The following DIAPH3 variants were observed in gnomAD, a reference collection of about 807,000 sequenced individuals.
The protein encoded by DIAPH3 is protein diaphanous homolog 3.
In DIAPH3, 117 loss-of-function variants were observed where a neutral mutation model predicts 144.3. The observed-to-expected ratio is 0.81, with a 90% CI of 0.70 to 0.95. The LOEUF is 0.95. Among genes scored for constraint, DIAPH3 ranks in the 40% least tolerant of loss-of-function variants. The pLI, the probability that DIAPH3 is intolerant of heterozygous loss-of-function variation, is 0.00. For synonymous variants in DIAPH3, 519 were observed against 488.9 expected (o/e 1.06, Z -0.81); for missense variants, 1,421 against 1,412.7 (o/e 1.01, Z -0.09).
chr13:59,868,762 T>C (rs1371471019), intron 21 of DIAPH3, among the ~76,000 whole-genome samples: 1 of 152,122 alleles, frequency 6.6e-6, no homozygotes, highest in Non-Finnish European at 1.5e-5. Context: ...ACCACTGATG[T>C]TTTATTGTCT....
chr13:59,695,896 G>T (rs1002723728), intron 27 of DIAPH3: 21 of 151,960 alleles, frequency 1.4e-4, no homozygotes, highest in African/African-American at 5.1e-4. Context: ...ATATAAAAGA[G>T]GTCTTTAAAA....
intron 14 of DIAPH3, among the ~76,000 whole-genome samples, chr13:59,976,692 C>A (rs1566599769): frequency 6.6e-6 from 1 of 151,678 alleles, no homozygotes; most frequent in Non-Finnish European, 1.5e-5. Context: ...TTCTATAGGA[C>A]TCTTTCCTCA....
chr13:60,003,803 A>G (rs1225699613), intron 9 of DIAPH3, among the ~76,000 whole-genome samples: 3 of 152,066 alleles, frequency 2.0e-5, no homozygotes, highest in Non-Finnish European at 4.4e-5. Context: ...GATGGTCTCA[A>G]TCTCCTGACC....
chr13:59,697,244 G>T (rs889368870), intron 27 of DIAPH3, among the ~76,000 whole-genome samples: 1 of 151,816 alleles, frequency 6.6e-6, no homozygotes, highest in African/African-American at 2.4e-5. Flanking sequence ...CGGATCACGA[G>T]ATCAGGAGAT....
At chr13:60,149,848 T>G (rs1429438487) in intron 1 of DIAPH3, among the ~76,000 whole-genome samples, 1 of 152,032 alleles carries the variant, frequency 6.6e-6, no homozygotes, top group Non-Finnish European at 1.5e-5. Flanking sequence ...TTTTGTTTCT[T>G]TACTTCTCTG....
intron 4 of DIAPH3, 110 bp from the exon 5 acceptor site, chr13:60,042,930 T>C: frequency 8.2e-7 from 1 of 1,226,542 alleles, no homozygotes; most frequent in Non-Finnish European, 1.2e-6. Context: ...TAATTAACAC[T>C]ATTTGGGCAA....
chr13:60,158,288 A>G (rs1324769711), intron 1 of DIAPH3, among the ~76,000 whole-genome samples: 1 of 152,226 alleles, frequency 6.6e-6, no homozygotes, highest in Non-Finnish European at 1.5e-5. Context: ...GAGCAAAGAC[A>G]TCTTTCTCAG....
chr13:60,103,583 A>G (rs1401067521), intron 3 of DIAPH3, among the ~76,000 whole-genome samples: 1 of 152,226 alleles, frequency 6.6e-6, no homozygotes, highest in African/African-American at 2.4e-5. Context: ...ATTGGAAAAT[A>G]AAAATTAGAA....
intron 17 of DIAPH3, among the ~76,000 whole-genome samples, chr13:59,954,102 C>T (rs2049249528): frequency 6.6e-6 from 1 of 152,124 alleles, no homozygotes; most frequent in Non-Finnish European, 1.5e-5. Context: ...CCTTTCCCTC[C>T]CTCCTGTTCT....
chr13:59,861,245 G>A (rs2043563700), intron 22 of DIAPH3, 162 bp downstream of exon 22: 2 of 1,518,738 alleles, frequency 1.3e-6, no homozygotes, highest in Non-Finnish European at 1.8e-6. Context: ...CTCCAATCAT[G>A]ACAACTCATA....
chr13:60,156,939 ATTT>A lies in DIAPH3; in HGVS notation c.180+6645_180+6647del, dbSNP rs757042309. On this transcript the variant is annotated intron_variant, in intron 1 of 27. Coordinates refer to ENST00000400324, the MANE Select transcript of DIAPH3 (RefSeq NM_001042517.2). ...CCTTCATATATATATATATATATAT[ATTT>A]TTTTTTTTTTTTTTTTTGAGACAGA... Among the ~76,000 whole-genome samples, 48 of 82,022 alleles carry A rather than the reference ATTT, an allele frequency of 5.9e-4. 2 individuals carry two copies. Among genetic ancestry groups the A allele is most frequent in the African/African-American group, 1.4e-3 (26 of 18,524 alleles). 53.8% of individuals were successfully genotyped at this position (82,022 alleles called of 152,430 possible).
intron 1 of DIAPH3, among the ~76,000 whole-genome samples, chr13:60,157,515 T>C (rs1952089159): frequency 6.6e-6 from 1 of 152,258 alleles, no homozygotes; most frequent in Admixed American, 6.5e-5. Flanking sequence ...ATTTCATTTA[T>C]ATTCTTAAAT....
intron 27 of DIAPH3, among the ~76,000 whole-genome samples, chr13:59,704,839 C>T (rs2034325455): frequency 6.6e-6 from 1 of 152,242 alleles, no homozygotes; most frequent in African/African-American, 2.4e-5. Flanking sequence ...CATATTTCAT[C>T]GTTAAGTGCC....
intron 27 of DIAPH3, among the ~76,000 whole-genome samples, chr13:59,679,642 T>C (rs1015701846): frequency 1.3e-5 from 2 of 152,248 alleles, no homozygotes; most frequent in Non-Finnish European, 2.9e-5. Flanking sequence ...TGTTAGTTGT[T>C]CCATTTCACA....
chr13:59,945,356 A>G (rs1265407201), intron 17 of DIAPH3, among the ~76,000 whole-genome samples: 1 of 152,174 alleles, frequency 6.6e-6, no homozygotes, highest in Non-Finnish European at 1.5e-5. Flanking sequence ...ATTAGATTAT[A>G]TACTATAGGA....
intron 12 of DIAPH3, among the ~76,000 whole-genome samples, chr13:59,985,681 A>G (rs1199754809): frequency 1.5e-5 from 1 of 66,746 alleles, no homozygotes; most frequent in Non-Finnish European, 3.1e-5. Context: ...CACCAGCAAC[A>G]GACAAACAGA....
At chr13:59,763,049 C>T (rs1018948646) in intron 27 of DIAPH3, among the ~76,000 whole-genome samples, 6 of 152,118 alleles carry the variant, frequency 3.9e-5, no homozygotes, top group South Asian at 2.1e-4. Context: ...CATAAGTTAC[C>T]CAGTCTGTGT....
chr13:59,950,256 A>G (rs913197636), intron 17 of DIAPH3, among the ~76,000 whole-genome samples: 9 of 152,106 alleles, frequency 5.9e-5, no homozygotes, highest in Non-Finnish European at 1.3e-4. Flanking sequence ...TGTCCCATAT[A>G]TATCTTCTCA....
At chr13:60,114,770 T>G (rs1052101968) in intron 2 of DIAPH3, among the ~76,000 whole-genome samples, 4 of 150,470 alleles carry the variant, frequency 2.7e-5, no homozygotes, top group Non-Finnish European at 5.9e-5. Flanking sequence ...GCCAGAGAAA[T>G]AAAAATACAT....
Sources: gnomAD v4.1 joint callset for allele counts (sites outside exome capture counted in the v4.1 genomes callset) on GRCh38, gnomAD v4.1.1 for gene constraint, MANE v1.5 for transcripts, NCBI Gene and HGNC (gene_info 2026-07-23, HGNC 2026-07-21) for gene names.